Variants in LMNTD1 observed in about 807,000 individuals in gnomAD.
LMNTD1 encodes lamin tail domain containing 1, also known as lamin tail domain-containing protein 1.
In LMNTD1, 35 loss-of-function variants were observed where a neutral mutation model predicts 50.9. The ratio of observed to expected loss-of-function variants is 0.69; its 90% CI spans 0.53 to 0.91. The LOEUF (loss-of-function observed/expected upper bound fraction) is 0.91. LMNTD1 is among the 40% of genes least tolerant of loss of function. LMNTD1 has a pLI of 0.00. For synonymous variants in LMNTD1, 153 were observed against 161.9 expected, an observed-to-expected ratio of 0.94 and a Z score of 0.42; for missense variants, 470 against 475.5, an observed-to-expected ratio of 0.99 and a Z score of 0.11.
At chr12:25,623,028 A>G (rs191475762) in intron 1 of LMNTD1, among the ~76,000 whole-genome samples, 35 of 152,036 alleles carry the variant, frequency 2.3e-4, no homozygotes, top group Admixed American at 3.3e-4. Context: ...CACTGAAAAG[A>G]GTTAGCTGTA....
At chr12:25,536,785 C>T (rs566075436) in intron 4 of LMNTD1, among the ~76,000 whole-genome samples, 195 of 152,370 alleles carry the variant, frequency 1.3e-3, no homozygotes, top group African/African-American at 3.2e-3. Context: ...ACGCAGAAGA[C>T]GGGTGATTTC....
At chr12:25,550,241 A>G (rs1206707325) in intron 2 of LMNTD1, among the ~76,000 whole-genome samples, 1 of 152,194 alleles carries the variant, frequency 6.6e-6, no homozygotes, top group African/African-American at 2.4e-5. Context: ...TTTGTTAACT[A>G]GTGCACAATC....
At position 25,622,465 on chromosome 12, in the gene LMNTD1, C is replaced by G. The variant is rs1357290128; in HGVS notation, c.58+26029G>C. Among the ~76,000 whole-genome samples the G allele has an allele frequency of 2.7e-4, 32 of 120,336 alleles. 1 individual carries two copies. The highest frequency in any genetic ancestry group is 5.0e-4 in the Non-Finnish European group (27 of 53,826). 78.9% of individuals were successfully genotyped at this position (120,336 alleles called of 152,430 possible). The stretch of plus-strand genomic sequence containing the variant: ...TGCCCTTGACCTTGAGTTTGTGAGC[C>G]CGCCCCCCCCCGCAAAATAATATCA... On this transcript the variant is annotated intron_variant, in intron 1 of 7. Coordinates refer to the LMNTD1 transcript ENST00000445693.
intron 1 of LMNTD1, among the ~76,000 whole-genome samples, chr12:25,625,122 T>C (rs1181787626): frequency 1.3e-5 from 2 of 152,152 alleles, no homozygotes; most frequent in Non-Finnish European, 2.9e-5. Flanking sequence ...CGAGGTCCTT[T>C]TCGTTTTCAC....
chr12:25,486,906 C>T (rs1358133488), intron 9 of LMNTD1, among the ~76,000 whole-genome samples: 1 of 151,982 alleles, frequency 6.6e-6, no homozygotes. Context: ...ATTCATTTTG[C>T]CAGTATTTTA....
intron 2 of LMNTD1, among the ~76,000 whole-genome samples, chr12:25,550,898 A>C (rs1017159004): frequency 6.6e-6 from 1 of 152,228 alleles, no homozygotes; most frequent in African/African-American, 2.4e-5. Context: ...TGAAAATGTC[A>C]TGATTACTAG....
intron 2 of LMNTD1, among the ~76,000 whole-genome samples, chr12:25,552,498 C>T (rs1267908957): frequency 6.9e-6 from 1 of 144,760 alleles, no homozygotes; most frequent in Non-Finnish European, 1.5e-5. Flanking sequence ...CCTAGCTACT[C>T]CGAGAGGCTG....
intron 1 of LMNTD1, among the ~76,000 whole-genome samples, chr12:25,603,998 G>A (rs934193789): frequency 6.6e-6 from 1 of 152,128 alleles, no homozygotes; most frequent in South Asian, 2.1e-4. Context: ...CTAATAAAGA[G>A]CTATGCAAAC....
At chr12:25,566,609 T>C (rs568117475) in intron 1 of LMNTD1, among the ~76,000 whole-genome samples, 1 of 152,328 alleles carries the variant, frequency 6.6e-6, no homozygotes, top group African/African-American at 2.4e-5. Flanking sequence ...TAGGCGCAAA[T>C]ATAAGACTGT....
At chr12:25,529,519 A>G (rs759103181) in intron 4 of LMNTD1, among the ~76,000 whole-genome samples, 2 of 152,072 alleles carry the variant, frequency 1.3e-5, no homozygotes, top group African/African-American at 2.4e-5. Context: ...AACTTCCAAT[A>G]CTGTCCCAGT....
rs965544214 is a variant in LMNTD1 at position 25,476,101 on chromosome 12, C to T, written c.*382G>A. ...ACAGTTATGGAAAAAAGAGATTTAT[C>T]AGTCAATGTAAAATGGTTAAACAAT... On this transcript the variant is annotated 3_prime_UTR_variant, in exon 10 of 10. Coordinates refer to ENST00000458174, the MANE Select transcript of LMNTD1 (RefSeq NM_001145728.2). 3.3e-5 allele frequency: 5 copies of T among 152,214 alleles called. No individual in the cohort carries two copies. Among genetic ancestry groups the T allele is most frequent in the Non-Finnish European group, 7.3e-5 (5 of 68,028 alleles). 9.4% of individuals were successfully genotyped at this position (152,214 alleles called of 1,614,324 possible). A position where few individuals can be genotyped will look rare whatever the true frequency, so the allele number is the denominator to read the frequency against.
intron 8 of LMNTD1, among the ~76,000 whole-genome samples, chr12:25,506,378 A>T (rs1319416260): frequency 6.6e-6 from 1 of 152,196 alleles, no homozygotes; most frequent in East Asian, 1.9e-4. Context: ...AGTATATGAG[A>T]TGGATTGCAG....
chr12:25,506,494 T>C (rs780380546), intron 8 of LMNTD1, among the ~76,000 whole-genome samples: 2 of 152,186 alleles, frequency 1.3e-5, no homozygotes, highest in Non-Finnish European at 2.9e-5. Context: ...CAGACTAGTT[T>C]CTGTCATTTA....
At chr12:25,619,252 C>CTCTATATA (rs1374134268) in intron 1 of LMNTD1, among the ~76,000 whole-genome samples, 116 of 84,394 alleles carry the variant, frequency 1.4e-3, no homozygotes, top group East Asian at 8.8e-3. Flanking sequence ...CTCTCTCTCT[C>CTCTATATA]TATATATATA....
Position 25,514,308 on chromosome 12 carries a change from G to T in LMNTD1, c.1189+4487C>A, listed in dbSNP as rs551764602. Among the ~76,000 whole-genome samples the T allele has an allele frequency of 2.0e-5, 3 of 152,164 alleles. No homozygotes were observed. The South Asian group carries it at 6.2e-4, about 32-fold the overall frequency. ...GTTGAGACAAATGGTTTTCCATATC[G>T]AAGAAATCTGAGGTCACTATTTCAT... On this transcript the variant is annotated intron_variant, in intron 8 of 9. Coordinates refer to ENST00000458174, the MANE Select transcript of LMNTD1 (RefSeq NM_001145728.2).
At chr12:25,599,474 T>A (rs1238272143) in intron 1 of LMNTD1, among the ~76,000 whole-genome samples, 2 of 151,954 alleles carry the variant, frequency 1.3e-5, no homozygotes, top group African/African-American at 4.8e-5. Flanking sequence ...GAGAAAGAAA[T>A]GAAGGGTATC....
chr12:25,530,069 T>G (rs535295164), intron 4 of LMNTD1, among the ~76,000 whole-genome samples: 1 of 152,300 alleles, frequency 6.6e-6, no homozygotes, highest in African/African-American at 2.4e-5. Context: ...CTCATTGTAT[T>G]TAAATTTGTT....
Position 25,553,002 on chromosome 12 carries a change from A to G in LMNTD1, c.-30-13T>C. On this transcript the variant is annotated splice_polypyrimidine_tract_variant and intron_variant, in intron 1 of 9. Coordinates refer to ENST00000458174, the MANE Select transcript of LMNTD1 (RefSeq NM_001145728.2). The stretch of plus-strand genomic sequence containing the variant: ...TCTCTTTTCTTTCCTAGGAAAGCAG[A>G]TCATGACATCAGATGACGAATATGG... 2 of 1,608,612 alleles carry G rather than the reference A, an allele frequency of 1.2e-6. No homozygotes were observed. The highest frequency in any genetic ancestry group is 1.1e-5 in the South Asian group (1 of 90,888).
In LMNTD1 at chr12:25,476,325, A is replaced by G. The variant is rs1008500936; in HGVS notation, c.*158T>C. 2 of 152,182 alleles carry G rather than the reference A, an allele frequency of 1.3e-5. No homozygotes were observed. Among genetic ancestry groups the G allele is most frequent in the African/African-American group, 4.8e-5 (2 of 41,446 alleles). 9.4% of individuals were successfully genotyped at this position (152,182 alleles called of 1,614,324 possible). ...ATTCACCAATTCTACAGCAATACAAATTTTGGATCCTTTTTCCATATAGAA... is the reference window on the plus strand; with the variant it reads ...ATTCACCAATTCTACAGCAATACAAGTTTTGGATCCTTTTTCCATATAGAA... On this transcript the variant is annotated 3_prime_UTR_variant, in exon 10 of 10. Transcript: ENST00000458174.
Sources: gnomAD v4.1 joint callset for allele counts (sites outside exome capture counted in the v4.1 genomes callset) on GRCh38, gnomAD v4.1.1 for gene constraint, MANE v1.5 for transcripts, NCBI Gene and HGNC (gene_info 2026-07-23, HGNC 2026-07-21) for gene names.